RPH3AL: variants seen among roughly 807,000 people sequenced by gnomAD.
The protein encoded by RPH3AL is rabphilin 3A like (without C2 domains), also known as rab effector Noc2.
In RPH3AL, 38 loss-of-function variants were observed where a neutral mutation model predicts 43.1. The observed-to-expected ratio is 0.88, with a 90% CI of 0.68 to 1.15. RPH3AL has a LOEUF of 1.15. Among genes scored for constraint, RPH3AL ranks in the 50% most tolerant of loss-of-function variants. The pLI is 0.00. For missense variants in RPH3AL, 462 were observed against 423.2 expected (o/e 1.09, Z -0.81); for synonymous variants, 189 against 176.3 (o/e 1.07, Z -0.57).
intron 8 of RPH3AL, 101 bp downstream of exon 8, chr17:219,521 TC>T (rs2040899782): frequency 3.6e-6 from 1 of 280,858 alleles, no homozygotes; most frequent in African/African-American, 3.4e-5. Flanking sequence ...CTTTTCTTTT[TC>T]TTCCTTTTTT....
intron 5 of RPH3AL, among the ~76,000 whole-genome samples, chr17:294,473 C>G (rs1185790808): frequency 6.6e-6 from 1 of 152,192 alleles, no homozygotes; most frequent in Non-Finnish European, 1.5e-5. Context: ...AAAGGCCAAC[C>G]TGAGTGGACA....
intron 5 of RPH3AL, among the ~76,000 whole-genome samples, chr17:286,274 G>C (rs1389548799): frequency 8.5e-5 from 13 of 152,188 alleles, no homozygotes; most frequent in Admixed American, 8.5e-4. Flanking sequence ...GGCTGTCCCT[G>C]CTGGGCCCAC....
intron 7 of RPH3AL, among the ~76,000 whole-genome samples, chr17:223,474 G>A (rs975134262): frequency 6.6e-6 from 1 of 152,140 alleles, no homozygotes; most frequent in Non-Finnish European, 1.5e-5. Context: ...TCTTATGCCA[G>A]GCACTTTGCT....
At position 319,493 on chromosome 17, in the gene RPH3AL, G is replaced by A. The variant is rs143101166; in HGVS notation, c.278C>T (p.Ser93Phe). ...CACCTCCCCGCAGAGCAGACACTGG[G>A]ACAGGCCGTTCCCCATCACATTCCG... ...MRRNVMGNGL[S>F]QCLLCGEVLG... is the part of the protein sequence containing the mutation. Residue 93 changes from serine to phenylalanine, a missense_variant, in exon 5 of 10, where the codon TCC (serine) becomes TTC (phenylalanine). Ser to Phe is a radical substitution (Grantham distance 155). Coordinates refer to ENST00000331302, the MANE Select transcript of RPH3AL (RefSeq NM_006987.4). The A allele has an allele frequency of 3.7e-6, 6 of 1,612,404 alleles. No homozygotes were observed. Among genetic ancestry groups the A allele is most frequent in the Non-Finnish European group, 5.1e-6 (6 of 1,179,964 alleles).
intron 5 of RPH3AL, among the ~76,000 whole-genome samples, chr17:315,415 A>C: frequency 2.2e-5 from 3 of 134,464 alleles, no homozygotes; most frequent in African/African-American, 3.0e-5. Flanking sequence ...CTGTGCCCCC[A>C]CCTCCATTGA....
At chr17:331,758 T>C (rs1251510669) in intron 2 of RPH3AL, 2 of 1,289,146 alleles carry the variant, frequency 1.6e-6, no homozygotes, top group Admixed American at 4.6e-5. Flanking sequence ...ACTCACCTCT[T>C]GGGCTCAGAG....
At chr17:233,277 C>T (rs1037860748) in intron 7 of RPH3AL, among the ~76,000 whole-genome samples, 6 of 152,114 alleles carry the variant, frequency 3.9e-5, no homozygotes, top group African/African-American at 1.4e-4. Context: ...AGTTTCATTC[C>T]CTTGGATTTA....
At chr17:258,963 A>G (rs189878701) in intron 6 of RPH3AL, among the ~76,000 whole-genome samples, 8 of 152,216 alleles carry the variant, frequency 5.3e-5, no homozygotes, top group Admixed American at 4.6e-4. Context: ...AAGCCCGTCA[A>G]CTTCATACGA....
chr17:252,970 A>G (rs1187750467), intron 6 of RPH3AL, among the ~76,000 whole-genome samples: 5 of 152,192 alleles, frequency 3.3e-5, no homozygotes, highest in African/African-American at 4.8e-5. Context: ...GGATGATGAC[A>G]TAGAGTCAGG....
rs1555547247 is a variant in RPH3AL, at chr17:264,276, C to CATGA, written c.439-16992_439-16991insTCAT. 3.1e-3 allele frequency among the ~76,000 whole-genome samples: 465 copies of CATGA among 150,930 alleles called. 56 individuals are homozygous for CATGA. Among genetic ancestry groups the CATGA allele is most frequent in the East Asian group, 5.2e-3 (27 of 5,170 alleles). The stretch of plus-strand genomic sequence containing the variant: ...TGACAGCAGGATTACCCTTCGGAGC[C>CATGA]GCGAGCGCTGGATGGGGACTCAGAA... On this transcript the variant is annotated intron_variant, in intron 6 of 9. Coordinates refer to ENST00000331302, the MANE Select transcript of RPH3AL (RefSeq NM_006987.4). The surrounding 1 kb of genome is among the most constrained non-coding windows in gnomAD (Gnocchi z 4.8).
chr17:291,861 T>A (rs1242534442), intron 5 of RPH3AL, among the ~76,000 whole-genome samples: 1 of 152,186 alleles, frequency 6.6e-6, no homozygotes, highest in Non-Finnish European at 1.5e-5. Context: ...TGTGCCTACA[T>A]CTATGGAGGA....
intron 5 of RPH3AL, among the ~76,000 whole-genome samples, chr17:302,124 G>A (rs1165143593): frequency 2.0e-5 from 3 of 152,276 alleles, no homozygotes; most frequent in East Asian, 1.9e-4. Context: ...CGAGAGCTTC[G>A]GCTCCCAGCC....
intron 6 of RPH3AL, among the ~76,000 whole-genome samples, chr17:253,353 G>A (rs117910347): frequency 1.3e-5 from 2 of 152,120 alleles, no homozygotes; most frequent in East Asian, 1.9e-4. Context: ...CAGGGGAAGA[G>A]ACTAAGACAC....
intron 1 of RPH3AL, among the ~76,000 whole-genome samples, chr17:350,121 C>T (rs1399760744): frequency 6.6e-6 from 1 of 152,228 alleles, no homozygotes; most frequent in East Asian, 1.9e-4. Context: ...TCCATTTCTT[C>T]CTCTGTACAA....
chr17:331,547 C>A, intron 2 of RPH3AL: 1 of 1,259,316 alleles, frequency 7.9e-7, no homozygotes, highest in Non-Finnish European at 1.0e-6. Flanking sequence ...CACGGAGCAA[C>A]CTCGGGACAG....
chr17:313,119 C>T (rs1341717097), intron 5 of RPH3AL, among the ~76,000 whole-genome samples: 1 of 152,124 alleles, frequency 6.6e-6, no homozygotes, highest in African/African-American at 2.4e-5. Flanking sequence ...TAGAACCCTC[C>T]TTCACCCCCT....
intron 7 of RPH3AL, among the ~76,000 whole-genome samples, chr17:243,100 T>A (rs967119772): frequency 2.2e-5 from 3 of 139,466 alleles, no homozygotes; most frequent in Non-Finnish European, 4.8e-5. Flanking sequence ...ACCTTTCCTC[T>A]ACTGATTACC....
At chr17:237,591 T>C (rs149806813) in intron 7 of RPH3AL, among the ~76,000 whole-genome samples, 1 of 152,326 alleles carries the variant, frequency 6.6e-6, no homozygotes, top group African/African-American at 2.4e-5. Context: ...TCTAAGGGCA[T>C]GGACGTGAGG....
intron 5 of RPH3AL, among the ~76,000 whole-genome samples, chr17:288,942 C>T (rs566668191): frequency 5.3e-5 from 8 of 151,834 alleles, no homozygotes; most frequent in East Asian, 1.9e-4. Context: ...CGTCAGACCT[C>T]GCACCCTCTC....
Sources: allele counts gnomAD v4.1 joint callset (sites outside exome capture counted in the v4.1 genomes callset), GRCh38; gene constraint gnomAD v4.1.1; non-coding constraint Gnocchi (gnomAD v3.1); transcripts MANE v1.5; gene names NCBI Gene and HGNC (gene_info 2026-07-23, HGNC 2026-07-21).